FANCB: variants seen among roughly 807,000 people sequenced by gnomAD.
The protein encoded by FANCB is Fanconi anemia group B protein.
In FANCB, 5 loss-of-function variants were observed where a neutral mutation model predicts 38.9. The observed-to-expected ratio is 0.13, with a 90% CI of 0.07 to 0.27. The LOEUF is 0.27. FANCB is among the 10% of genes least tolerant of loss of function. The pLI is 1.00. For synonymous variants in FANCB, 236 were observed against 215.4 expected (o/e 1.10, Z -0.84); for missense variants, 573 against 602.7 (o/e 0.95, Z 0.52).
At chrX:14,728,222 C>G in the FANCB span, among the ~76,000 whole-genome samples, 26 of 110,067 alleles carry the variant, frequency 2.4e-4, no homozygotes, top group Non-Finnish European at 4.5e-4. Flanking sequence ...GACCCCGTCT[C>G]TACAAAAAGT....
chrX:14,749,578 A>C, the FANCB span, among the ~76,000 whole-genome samples: 2 of 112,194 alleles, frequency 1.8e-5, no homozygotes, highest in African/African-American at 6.5e-5. Flanking sequence ...CTTTAAATAA[A>C]TTATTAAAAA....
the FANCB span, among the ~76,000 whole-genome samples, chrX:14,782,965 G>A: frequency 9.0e-6 from 1 of 111,035 alleles, no homozygotes; most frequent in Non-Finnish European, 1.9e-5. Context: ...AAAATGCACC[G>A]AACCTTATGT....
chrX:14,772,024 C>A, the FANCB span, among the ~76,000 whole-genome samples: 2 of 110,943 alleles, frequency 1.8e-5, no homozygotes, highest in Non-Finnish European at 3.8e-5. Flanking sequence ...CTGGCCCCCA[C>A]ATACCTGTAG....
the FANCB span, among the ~76,000 whole-genome samples, chrX:14,787,674 A>C: frequency 1.9e-5 from 2 of 107,698 alleles, no homozygotes; most frequent in Non-Finnish European, 3.8e-5. Flanking sequence ...ATTATTTGTC[A>C]ATTTAAATAA....
At chrX:14,713,171 T>C in the FANCB span, among the ~76,000 whole-genome samples, 1 of 112,210 alleles carries the variant, frequency 8.9e-6, no homozygotes, top group African/African-American at 3.2e-5. Context: ...AAGCAAATGC[T>C]TGATGTGATT....
At chrX:14,696,870 A>C in the FANCB span, among the ~76,000 whole-genome samples, 1 of 112,157 alleles carries the variant, frequency 8.9e-6, no homozygotes, top group Non-Finnish European at 1.9e-5. Context: ...GATGTTCTTA[A>C]GTTTGTGTAT....
At chrX:14,838,760 G>A (rs1180590901), downstream of FANCB, among the ~76,000 whole-genome samples, 1 of 111,762 alleles carries the variant, frequency 8.9e-6, no homozygotes, top group Non-Finnish European at 1.9e-5. Flanking sequence ...TATACTAAAA[G>A]GCAACCACTC....
chrX:14,758,899 A>C, the FANCB span, among the ~76,000 whole-genome samples: 1 of 109,231 alleles, frequency 9.2e-6, no homozygotes, highest in African/African-American at 3.4e-5. Flanking sequence ...CCAGAAAAAG[A>C]ATTCAGAAGA....
chrX:14,749,372 G>C, the FANCB span, among the ~76,000 whole-genome samples: 1 of 111,160 alleles, frequency 9.0e-6, no homozygotes, highest in African/African-American at 3.3e-5. Context: ...ACTTGTAGAC[G>C]TAGGGCTCAG....
the FANCB span, among the ~76,000 whole-genome samples, chrX:14,714,763 A>C: frequency 1.8e-5 from 2 of 112,667 alleles, no homozygotes; most frequent in Non-Finnish European, 3.7e-5. Context: ...AGTACAAAGC[A>C]CCACAGTGCA....
At chrX:14,700,768 T>C in the FANCB span, among the ~76,000 whole-genome samples, 1 of 110,380 alleles carries the variant, frequency 9.1e-6, no homozygotes, top group African/African-American at 3.3e-5. Flanking sequence ...ATATAGGCCA[T>C]GGATTTTTTT....
At chrX:14,839,145 T>G (rs2092348358), downstream of FANCB, among the ~76,000 whole-genome samples, 2 of 110,657 alleles carry the variant, frequency 1.8e-5, no homozygotes, top group African/African-American at 6.6e-5. Context: ...AATACAAAAC[T>G]TAGGCGGCCA....
chrX:14,703,913 C>T, the FANCB span, among the ~76,000 whole-genome samples: 2 of 111,995 alleles, frequency 1.8e-5, no homozygotes, highest in Admixed American at 9.5e-5. Context: ...CACTCCCTCA[C>T]CACACTCCTG....
the FANCB span, among the ~76,000 whole-genome samples, chrX:14,823,662 T>C: frequency 8.9e-6 from 1 of 112,359 alleles, no homozygotes; most frequent in Admixed American, 9.4e-5. Context: ...CATTGATGTT[T>C]TGTTAATAAT....
the FANCB span, chrX:14,730,545 G>A: frequency 1.7e-6 from 1 of 572,969 alleles, no homozygotes; most frequent in Non-Finnish European, 2.5e-6. Flanking sequence ...AATACACAGT[G>A]AAATTGTCTT....
chrX:14,742,855 G>C, the FANCB span, among the ~76,000 whole-genome samples: 1 of 112,676 alleles, frequency 8.9e-6, no homozygotes, highest in Non-Finnish European at 1.9e-5. Flanking sequence ...TAATTGAAAT[G>C]TTAAAAAGGC....
At chrX:14,821,021 C>T in the FANCB span, among the ~76,000 whole-genome samples, 2 of 111,016 alleles carry the variant, frequency 1.8e-5, no homozygotes, top group Non-Finnish European at 3.8e-5. Context: ...GAATGTTTTC[C>T]AAAATAAATA....
the FANCB span, among the ~76,000 whole-genome samples, chrX:14,721,001 C>T: frequency 1.8e-5 from 2 of 108,982 alleles, no homozygotes; most frequent in African/African-American, 6.7e-5. Context: ...TGGCACATGA[C>T]CCGTCCACCT....
chrX:14,734,730 T>TGTG, the FANCB span, among the ~76,000 whole-genome samples: 1 of 111,023 alleles, frequency 9.0e-6, no homozygotes, highest in African/African-American at 3.3e-5. Context: ...GGAGTATCTT[T>TGTG]GTGGTGTTCT....
Sources: gnomAD v4.1 joint callset for allele counts (sites outside exome capture counted in the v4.1 genomes callset) on GRCh38, gnomAD v4.1.1 for gene constraint, MANE v1.5 for transcripts, NCBI Gene and HGNC (gene_info 2026-07-23, HGNC 2026-07-21) for gene names.